The following TP63 variants were observed in gnomAD, a reference collection of about 807,000 sequenced individuals.
TP63 encodes the protein tumor protein 63.
In TP63, 17 loss-of-function variants were observed where a neutral mutation model predicts 82.8. The ratio of observed to expected loss-of-function variants is 0.21; its 90% confidence interval spans 0.14 to 0.31. The LOEUF is 0.31. Ranked by LOEUF, TP63 falls within the 10% of genes least tolerant of loss-of-function variation. The pLI, the probability that TP63 is intolerant of heterozygous loss-of-function variation, is 1.00. For missense variants in TP63, 648 were observed against 895.3 expected, an observed-to-expected ratio of 0.72 and a Z score of 3.52; for synonymous variants, 330 against 321.7, an observed-to-expected ratio of 1.03 and a Z score of -0.28.
chr3:189,784,390 ATGAAGCAG>A (rs1272484856), intron 3 of TP63, among the ~76,000 whole-genome samples: 1 of 152,092 alleles, frequency 6.6e-6, no homozygotes, highest in Non-Finnish European at 1.5e-5. Flanking sequence ...TAATTAAACA[ATGAAGCAG>A]TGTTTGTAGA....
In TP63 at chr3:189,689,098, C is replaced by CTTTTTTTTTTTTTTTTTTTTTTTT. The variant is rs1383931117; in HGVS notation, c.63-48637_63-48636insTTTTTTTTTTTTTTTTTTTTTTTT. On this transcript the variant is annotated intron_variant, in intron 1 of 13. Coordinates refer to ENST00000264731, the MANE Select transcript of TP63 (RefSeq NM_003722.5). Reference sequence around the variant, plus strand: ...CAGAGTGGCCAGCATTCAAATCTACCTTTTTCTTTTTTTTTTTTTTTTTTT... The same window carrying CTTTTTTTTTTTTTTTTTTTTTTTT: ...CAGAGTGGCCAGCATTCAAATCTACCTTTTTTTTTTTTTTTTTTTTTTTTTTTTTCTTTTTTTTTTTTTTTTTTT... Among the ~76,000 whole-genome samples the CTTTTTTTTTTTTTTTTTTTTTTTT allele has an allele frequency of 1.2e-4, 10 of 85,140 alleles. 4 individuals carry two copies. Among genetic ancestry groups the CTTTTTTTTTTTTTTTTTTTTTTTT allele is most frequent in the African/African-American group, 1.7e-4 (4 of 23,182 alleles). 55.9% of individuals were successfully genotyped at this position (85,140 alleles called of 152,430 possible).
chr3:189,684,989 G>A (rs1170162866), intron 1 of TP63, among the ~76,000 whole-genome samples: 2 of 152,068 alleles, frequency 1.3e-5, no homozygotes, highest in Non-Finnish European at 2.9e-5. Flanking sequence ...TACATATAGA[G>A]TAGAATAGTT....
intron 1 of TP63, among the ~76,000 whole-genome samples, chr3:189,705,033 C>T (rs1379907622): frequency 6.6e-6 from 1 of 152,174 alleles, no homozygotes; most frequent in Non-Finnish European, 1.5e-5. Context: ...TTTACATTCA[C>T]CTAGATGTAT....
At chr3:189,836,272 C>T (rs780795914) in intron 4 of TP63, among the ~76,000 whole-genome samples, 9 of 152,122 alleles carry the variant, frequency 5.9e-5, no homozygotes, top group Non-Finnish European at 1.0e-4. Context: ...CTTATTTCAA[C>T]TGGCAAACAA....
chr3:189,887,172 G>C (rs1389577335), intron 11 of TP63, among the ~76,000 whole-genome samples: 1 of 148,474 alleles, frequency 6.7e-6, no homozygotes, highest in Non-Finnish European at 1.5e-5. Context: ...TCACACTGCT[G>C]CACTCCAGCC....
chr3:189,829,422 A>C (rs1297282774), intron 4 of TP63, among the ~76,000 whole-genome samples: 2 of 152,244 alleles, frequency 1.3e-5, no homozygotes, highest in Non-Finnish European at 2.9e-5. Flanking sequence ...AATTCTTAGA[A>C]AATCTACTTT....
chr3:189,624,538 A>C, the TP63 span, among the ~76,000 whole-genome samples: 2 of 152,250 alleles, frequency 1.3e-5, no homozygotes, highest in Non-Finnish European at 2.9e-5. Flanking sequence ...CTGCAGCCCC[A>C]ATCTAAGGCT....
chr3:189,666,464 G>T (rs1337949639), intron 1 of TP63, among the ~76,000 whole-genome samples: 1 of 152,008 alleles, frequency 6.6e-6, no homozygotes, highest in African/African-American at 2.4e-5. Flanking sequence ...GACTTATACT[G>T]TAATTATGAC....
chr3:189,825,031 C>T (rs1050073131), intron 4 of TP63, among the ~76,000 whole-genome samples: 2 of 152,062 alleles, frequency 1.3e-5, no homozygotes, highest in African/African-American at 4.8e-5. Context: ...CTGATTTGTG[C>T]GTGTGTTTTG....
At chr3:189,793,355 T>C (rs553620488) in intron 3 of TP63, among the ~76,000 whole-genome samples, 1 of 152,112 alleles carries the variant, frequency 6.6e-6, no homozygotes, top group East Asian at 1.9e-4. Context: ...AAAGCATCAA[T>C]GGATGTCTAC....
rs145765652 is a variant in TP63 at position 189,844,721 on chromosome 3, A to T, written c.580-19511A>T. On this transcript the variant is annotated intron_variant, in intron 4 of 13. Transcript: ENST00000264731. ...TTAGCCCATATAACTTCATGTGATAATCAGTGTCTTTGAAGCAGACCAAAC... is the reference window on the plus strand; with the variant it reads ...TTAGCCCATATAACTTCATGTGATATTCAGTGTCTTTGAAGCAGACCAAAC... Among the ~76,000 whole-genome samples the T allele has an allele frequency of 7.0e-3, 1,068 of 152,354 alleles. 5 individuals are homozygous for T. Among genetic ancestry groups the T allele is most frequent in the Admixed American group, 0.014 (210 of 15,300 alleles).
rs1358588056 is a variant in TP63 at position 189,785,373 on chromosome 3, A to T, written c.325-22899A>T. On this transcript the variant is annotated intron_variant, in intron 3 of 13. Transcript: ENST00000264731. The stretch of plus-strand genomic sequence containing the variant: ...TGGAGTACTAAATGTGACATGATGA[A>T]CATAAATGTATTCTGACTTCAAAAA... Among the ~76,000 whole-genome samples, 3 of 152,098 alleles carry T rather than the reference A, an allele frequency of 2.0e-5. No homozygotes were observed. In the East Asian group the frequency reaches 5.8e-4, roughly 29 times the overall value.
intron 4 of TP63, among the ~76,000 whole-genome samples, chr3:189,813,430 G>A (rs1413067847): frequency 1.3e-5 from 2 of 151,720 alleles, no homozygotes; most frequent in African/African-American, 4.9e-5. Context: ...TTGTAGGGGC[G>A]GTGTTTCTTT....
chr3:189,644,651 A>G (rs1350782715), intron 1 of TP63, among the ~76,000 whole-genome samples: 1 of 152,164 alleles, frequency 6.6e-6, no homozygotes, highest in Admixed American at 6.5e-5. Context: ...CTGTAACCCA[A>G]AAGTGAGTAG....
intron 4 of TP63, among the ~76,000 whole-genome samples, chr3:189,813,171 T>C (rs1331983015): frequency 6.6e-6 from 1 of 152,226 alleles, no homozygotes; most frequent in Non-Finnish European, 1.5e-5. Flanking sequence ...GTATTCTTTG[T>C]GTTAAGGAAT....
chr3:189,873,272 A>G (rs1192086494), intron 10 of TP63: 1 of 491,192 alleles, frequency 2.0e-6, no homozygotes, highest in Non-Finnish European at 3.7e-6. Context: ...TCGTCTCTAT[A>G]TGCCTGGTCC....
At chr3:189,641,441 A>G (rs1711859548) in intron 1 of TP63, among the ~76,000 whole-genome samples, 2 of 152,146 alleles carry the variant, frequency 1.3e-5, no homozygotes, top group Non-Finnish European at 2.9e-5. Context: ...TTATTACACA[A>G]ATGAAGTGTT....
intron 1 of TP63, among the ~76,000 whole-genome samples, chr3:189,733,430 C>T (rs191624995): frequency 4.6e-5 from 7 of 152,322 alleles, no homozygotes; most frequent in Non-Finnish European, 7.3e-5. Flanking sequence ...TCGAATCTCA[C>T]ACACTAATAT....
intron 3 of TP63, among the ~76,000 whole-genome samples, chr3:189,796,005 AT>A (rs1725663044): frequency 6.6e-6 from 1 of 152,088 alleles, no homozygotes; most frequent in African/African-American, 2.4e-5. Context: ...CTCTGTGTTT[AT>A]TATGAGTTAA....
Sources: allele counts gnomAD v4.1 joint callset (sites outside exome capture counted in the v4.1 genomes callset), GRCh38; gene constraint gnomAD v4.1.1; transcripts MANE v1.5; gene names NCBI Gene and HGNC (gene_info 2026-07-23, HGNC 2026-07-21).